RSRP1: variants seen among roughly 807,000 people sequenced by gnomAD.
RSRP1 encodes the protein arginine and serine rich protein 1, also known as arginine/serine-rich protein 1.
A neutral mutation model predicts 33.0 loss-of-function variants in RSRP1; 37 were observed. The observed-to-expected ratio is 1.12, with a 90% CI of 0.86 to 1.48. The LOEUF (loss-of-function observed/expected upper bound fraction) is 1.48, where lower values mean the gene tolerates loss of function less well. Among genes scored for constraint, RSRP1 ranks in the 40% most tolerant of loss-of-function variants. The probability of loss-of-function intolerance (pLI) is 0.00; values close to 1 mark genes in which losing one functional copy is unlikely to be tolerated. For missense variants in RSRP1, 402 were observed against 385.3 expected (o/e 1.04, Z -0.36); for synonymous variants, 167 against 158.7 (o/e 1.05, Z -0.40).
At chr1:25,280,018 G>A (rs1189932739) in intron 1 of RSRP1, among the ~76,000 whole-genome samples, 1 of 129,872 alleles carries the variant, frequency 7.7e-6, no homozygotes, top group East Asian at 2.0e-4. Flanking sequence ...GGTGGAAATG[G>A]GCCTGGAGCC....
rs1388339490 is a variant in RSRP1 at position 25,311,530 on chromosome 1, GA to G, written c.-67+26447del. Among the ~76,000 whole-genome samples the G allele has an allele frequency of 1.5e-4, 18 of 120,156 alleles. 2 individuals carry two copies. Among genetic ancestry groups the G allele is most frequent in the African/African-American group, 3.9e-4 (14 of 35,596 alleles). The allele number at this position is 120,156 out of a possible 152,430, so 78.8% of individuals were successfully genotyped here. A position where few individuals can be genotyped will look rare whatever the true frequency, so the allele number is the denominator to read the frequency against. ...ACAGAGCAAAACTCCGTCTCAAAAA[GA>G]AAAAAAAAAGGAAGAAAGAAAATTA... On this transcript the variant is annotated intron_variant, in intron 1 of 1. Coordinates refer to the RSRP1 transcript ENST00000561867.
chr1:25,287,518 T>C (rs1413802135), intron 1 of RSRP1, among the ~76,000 whole-genome samples: 4 of 134,630 alleles, frequency 3.0e-5, no homozygotes, highest in Admixed American at 7.1e-5. Flanking sequence ...GGCCTGCCCC[T>C]GGGGACGGGG....
chr1:25,270,935 G>A lies in RSRP1; in HGVS notation c.-66-23906C>T, dbSNP rs1466557992. Among the ~76,000 whole-genome samples the A allele has an allele frequency of 1.2e-4, 16 of 130,158 alleles. 1 individual carries two copies. The highest frequency in any genetic ancestry group is 3.7e-4 in the African/African-American group (14 of 38,168). 85.4% of individuals were successfully genotyped at this position (130,158 alleles called of 152,430 possible). ...GTTTGCAGCCAACTTTTTTCTATGCGTGTGCTAACATATTATTTTATAAGA... is the reference window on the plus strand; with the variant it reads ...GTTTGCAGCCAACTTTTTTCTATGCATGTGCTAACATATTATTTTATAAGA... On this transcript the variant is annotated intron_variant, in intron 1 of 1. Transcript: ENST00000561867.
At position 25,254,480 on chromosome 1, in the gene RSRP1, G is replaced by A. The variant is rs182114385; in HGVS notation, c.-66-7451C>T. ...AGACAGAGTCTCACTCTGTCGCCCC[G>A]GCTGGAGTGCGGTGGTGTGGTCTCA... On this transcript the variant is annotated intron_variant, in intron 1 of 1. Transcript: ENST00000561867. Among the ~76,000 whole-genome samples, 10 of 151,704 alleles carry A rather than the reference G, an allele frequency of 6.6e-5. No homozygotes were observed. In the East Asian group the frequency reaches 7.7e-4, roughly 12 times the overall value.
chr1:25,305,300 G>T lies in RSRP1; in HGVS notation c.-67+32678C>A, dbSNP rs1266668218. On this transcript the variant is annotated intron_variant, in intron 1 of 1. Transcript: ENST00000561867. ...TTCTAAAGGCATAGGGTCCACCCAGGAGCATGGTGGACCCAGATCCCTGAA... is the reference window on the plus strand; with the variant it reads ...TTCTAAAGGCATAGGGTCCACCCAGTAGCATGGTGGACCCAGATCCCTGAA... 3.8e-5 allele frequency among the ~76,000 whole-genome samples: 5 copies of T among 132,380 alleles called. 1 individual carries two copies. Among genetic ancestry groups the T allele is most frequent in the Non-Finnish European group, 8.9e-5 (5 of 55,960 alleles). 86.8% of individuals were successfully genotyped at this position (132,380 alleles called of 152,430 possible).
rs542553378 is a variant in RSRP1 at position 25,290,558 on chromosome 1, T to A, written c.-66-43529A>T. ...TGCCCAACAGTGTTTGTTGAAAGAA[T>A]GAATGAATGAATGAATGAATGAATG... On this transcript the variant is annotated intron_variant, in intron 1 of 1. Transcript: ENST00000561867. The A allele has an allele frequency of 1.7e-3, 1,552 of 897,558 alleles. 234 individuals carry two copies. The African/African-American group carries it at 0.019, about 11-fold the overall frequency. 55.6% of individuals were successfully genotyped at this position (897,558 alleles called of 1,614,324 possible). A position where few individuals can be genotyped will look rare whatever the true frequency, so the allele number is the denominator to read the frequency against.
At chr1:25,306,062 T>C in intron 1 of RSRP1, among the ~76,000 whole-genome samples, 1 of 131,884 alleles carries the variant, frequency 7.6e-6, no homozygotes, top group Admixed American at 7.4e-5. Flanking sequence ...CCTCATGCTT[T>C]CTTTCTAACC....
In RSRP1 at chr1:25,307,705, C is replaced by T. The variant is rs746526639; in HGVS notation, c.-67+30273G>A. The T allele has an allele frequency of 3.8e-5, 50 of 1,307,890 alleles. 10 individuals are homozygous for T. In the East Asian group the frequency reaches 4.2e-4, roughly 11 times the overall value. 81.0% of individuals were successfully genotyped at this position (1,307,890 alleles called of 1,614,324 possible). A position where few individuals can be genotyped will look rare whatever the true frequency, so the allele number is the denominator to read the frequency against. ...TGAAGCAGGTGATGAGGAGCTGATGCGTTTGGACGTGTCTCAGAGAAATCA... is the reference window on the plus strand; with the variant it reads ...TGAAGCAGGTGATGAGGAGCTGATGTGTTTGGACGTGTCTCAGAGAAATCA... On this transcript the variant is annotated intron_variant, in intron 1 of 1. Transcript: ENST00000561867.
intron 1 of RSRP1, among the ~76,000 whole-genome samples, chr1:25,258,467 C>T (rs957569722): frequency 2.0e-5 from 3 of 152,108 alleles, no homozygotes; most frequent in Admixed American, 6.6e-5. Flanking sequence ...TGTGAGCTAC[C>T]GTGCCCAGCC....
intron 1 of RSRP1, among the ~76,000 whole-genome samples, chr1:25,289,159 A>G (rs1642283496): frequency 7.6e-6 from 1 of 132,342 alleles, no homozygotes; most frequent in Admixed American, 7.3e-5. Context: ...AAAATGGGAT[A>G]CTGAATGGTG....
At chr1:25,250,474 T>C (rs890643027), upstream of RSRP1, among the ~76,000 whole-genome samples, 1 of 152,166 alleles carries the variant, frequency 6.6e-6, no homozygotes, top group Non-Finnish European at 1.5e-5. Context: ...GCCATTTAAG[T>C]TGGTTTTTTG....
At chr1:25,286,541 C>T (rs1191620677) in intron 1 of RSRP1, among the ~76,000 whole-genome samples, 1 of 134,934 alleles carries the variant, frequency 7.4e-6, no homozygotes, top group Non-Finnish European at 1.8e-5. Flanking sequence ...AATCCCAGCA[C>T]TTTGGGAGGC....
Position 25,295,850 on chromosome 1 carries a change from ATTTTTTTTTTTTTTTT to A in RSRP1, c.-67+42112_-67+42127del, listed in dbSNP as rs61131306. Among the ~76,000 whole-genome samples, 5 of 81,320 alleles carry A rather than the reference ATTTTTTTTTTTTTTTT, an allele frequency of 6.1e-5. 1 individual carries two copies. Among genetic ancestry groups the A allele is most frequent in the African/African-American group, 2.2e-4 (5 of 23,168 alleles). The allele number at this position is 81,320 out of a possible 152,430, so 53.3% of individuals were successfully genotyped here. On this transcript the variant is annotated intron_variant, in intron 1 of 1. Coordinates refer to the RSRP1 transcript ENST00000561867. ...AATGGTCTGGGAGGGAATATGGGAA[ATTTTTTTTTTTTTTTT>A]TTTTTTTTTTTTTGAGATGGAGTTT...
At chr1:25,296,834 G>A (rs1262566085) in intron 1 of RSRP1, among the ~76,000 whole-genome samples, 1 of 125,966 alleles carries the variant, frequency 7.9e-6, no homozygotes, top group African/African-American at 2.7e-5. Flanking sequence ...AGGCCTCCCC[G>A]GCCATGCCAA....
chr1:25,259,031 C>A (rs1490649117), intron 1 of RSRP1, among the ~76,000 whole-genome samples: 1 of 152,070 alleles, frequency 6.6e-6, no homozygotes, highest in East Asian at 1.9e-4. Context: ...TCTTGGTAAA[C>A]AACAGACTGC....
chr1:25,281,833 G>T (rs138434130), intron 1 of RSRP1, among the ~76,000 whole-genome samples: 3,217 of 132,784 alleles, frequency 0.024, 528 homozygotes, highest in African/African-American at 0.076. Flanking sequence ...GTGTCAGGTT[G>T]ATTTGGAAAT....
rs543999128 is a variant in RSRP1 at position 25,314,786 on chromosome 1, G to T, written c.-67+23192C>A. 2.3e-5 allele frequency among the ~76,000 whole-genome samples: 3 copies of T among 131,942 alleles called. 1 individual carries two copies. The East Asian group carries it at 5.9e-4, about 26-fold the overall frequency. 86.6% of individuals were successfully genotyped at this position (131,942 alleles called of 152,430 possible). ...CCCAAAGTGCCAGGATTACAGGTGTGAGCCACCATGCCCAGCCCACCTTTT... is the reference window on the plus strand; with the variant it reads ...CCCAAAGTGCCAGGATTACAGGTGTTAGCCACCATGCCCAGCCCACCTTTT... On this transcript the variant is annotated intron_variant, in intron 1 of 1. Transcript: ENST00000561867.
chr1:25,303,363 G>A lies in RSRP1; in HGVS notation c.-67+34615C>T. ...CGGTGTTGGCAGGAGGCGTGGCTGTGGGTACCTCGTGTCACCTGATCCCTT... is the reference window on the plus strand; with the variant it reads ...CGGTGTTGGCAGGAGGCGTGGCTGTAGGTACCTCGTGTCACCTGATCCCTT... On this transcript the variant is annotated intron_variant, in intron 1 of 1. Coordinates refer to the RSRP1 transcript ENST00000561867. The A allele has an allele frequency of 5.8e-6, 8 of 1,373,260 alleles. 3 individuals are homozygous for A. Among genetic ancestry groups the A allele is most frequent in the Non-Finnish European group, 8.2e-6 (8 of 973,744 alleles). 85.1% of individuals were successfully genotyped at this position (1,373,260 alleles called of 1,614,324 possible).
rs545735084 is a variant in RSRP1, at chr1:25,269,715, C to A, written c.-66-22686G>T. 2.3e-5 allele frequency among the ~76,000 whole-genome samples: 3 copies of A among 132,988 alleles called. 1 individual carries two copies. Among genetic ancestry groups the A allele is most frequent in the South Asian group, 2.3e-4 (1 of 4,352 alleles). The allele number at this position is 132,988 out of a possible 152,430, so 87.2% of individuals were successfully genotyped here. ...TTTTATAAGAGTCAGAGGGGAAGAG[C>A]AAAACCTCTGCTTTTGACAAATCTG... On this transcript the variant is annotated intron_variant, in intron 1 of 1. Transcript: ENST00000561867.
Sources: gnomAD v4.1 joint callset for allele counts (sites outside exome capture counted in the v4.1 genomes callset) on GRCh38, gnomAD v4.1.1 for gene constraint, MANE v1.5 for transcripts, NCBI Gene and HGNC (gene_info 2026-07-23, HGNC 2026-07-21) for gene names.